ABI2: variants seen among roughly 807,000 people sequenced by gnomAD.
The protein encoded by ABI2 is abelson interactor 2.
ABI2 carries 25 observed loss-of-function variants against 59.2 expected under a neutral mutation model. That is an observed-to-expected ratio of 0.42 (90% confidence interval 0.31 to 0.59). The LOEUF (loss-of-function observed/expected upper bound fraction) is 0.59. ABI2 is among the 20% of genes least tolerant of loss of function. ABI2 has a pLI of 0.14. For synonymous variants in ABI2, 213 were observed against 235.5 expected, an observed-to-expected ratio of 0.90 and a Z score of 0.87; for missense variants, 545 against 681.8, an observed-to-expected ratio of 0.80 and a Z score of 2.23.
intron 1 of ABI2, among the ~76,000 whole-genome samples, chr2:203,350,308 C>T (rs1330399550): frequency 1.3e-5 from 2 of 152,084 alleles, no homozygotes; most frequent in African/African-American, 2.4e-5. Context: ...AACTCTTGAC[C>T]TCAGGTGATC....
intron 9 of ABI2, among the ~76,000 whole-genome samples, chr2:203,410,936 T>C (rs1270536433): frequency 6.6e-6 from 1 of 151,116 alleles, no homozygotes; most frequent in African/African-American, 2.4e-5. Flanking sequence ...GTTAATGATA[T>C]GAAAAAAGAT....
At chr2:203,337,215 G>C (rs1026401419) in intron 1 of ABI2, among the ~76,000 whole-genome samples, 7 of 152,148 alleles carry the variant, frequency 4.6e-5, no homozygotes, top group African/African-American at 7.2e-5. Flanking sequence ...GTCTCTGTTT[G>C]CAAATGACAT....
intron 1 of ABI2, among the ~76,000 whole-genome samples, chr2:203,342,954 A>T (rs926114241): frequency 2.0e-5 from 3 of 152,188 alleles, no homozygotes; most frequent in Non-Finnish European, 2.9e-5. Flanking sequence ...ATGCATTAAC[A>T]TGCATAATTA....
At chr2:203,369,846 T>G (rs1204462209) in intron 2 of ABI2, among the ~76,000 whole-genome samples, 1 of 152,186 alleles carries the variant, frequency 6.6e-6, no homozygotes, top group African/African-American at 2.4e-5. Context: ...TGATAGAGGC[T>G]ATATTTAAGA....
intron 1 of ABI2, among the ~76,000 whole-genome samples, chr2:203,345,452 G>A (rs543976296): frequency 1.3e-5 from 2 of 152,192 alleles, no homozygotes; most frequent in African/African-American, 4.8e-5. Flanking sequence ...AGAACCCACC[G>A]GAAGGAACCA....
chr2:203,369,415 T>C (rs2094891564), intron 2 of ABI2, among the ~76,000 whole-genome samples: 1 of 152,134 alleles, frequency 6.6e-6, no homozygotes, highest in Non-Finnish European at 1.5e-5. Context: ...GATAATAATT[T>C]ATTTTCTGTT....
intron 4 of ABI2, among the ~76,000 whole-genome samples, chr2:203,386,198 A>G (rs1226884218): frequency 6.6e-6 from 1 of 152,160 alleles, no homozygotes; most frequent in Non-Finnish European, 1.5e-5. Context: ...CCCAAAGGTG[A>G]CTGACCTCAC....
chr2:203,361,714 A>G (rs1050353956), intron 1 of ABI2, among the ~76,000 whole-genome samples: 3 of 152,234 alleles, frequency 2.0e-5, no homozygotes, highest in African/African-American at 7.2e-5. Context: ...TACTTAAAAC[A>G]TGACTGTTCT....
intron 2 of ABI2, among the ~76,000 whole-genome samples, chr2:203,378,788 T>C (rs2095890705): frequency 6.6e-6 from 1 of 152,176 alleles, no homozygotes; most frequent in Admixed American, 6.5e-5. Flanking sequence ...GAATTGGTGG[T>C]AAGAGATGTG....
chr2:203,329,563 C>CT (rs890525515), intron 1 of ABI2, among the ~76,000 whole-genome samples: 64 of 143,322 alleles, frequency 4.5e-4, no homozygotes, highest in East Asian at 1.2e-3. Flanking sequence ...AAATCTTTTG[C>CT]TTTTTTTTTT....
chr2:203,394,668 A>G, intron 5 of ABI2, 32 bp from the exon 6 acceptor site: 2 of 1,587,472 alleles, frequency 1.3e-6, no homozygotes, highest in Non-Finnish European at 1.7e-6. Flanking sequence ...AACTTGCTTA[A>G]TCATACAATA....
At chr2:203,338,930 A>ATT (rs2077826841) in intron 1 of ABI2, among the ~76,000 whole-genome samples, 2 of 7,124 alleles carry the variant, frequency 2.8e-4, no homozygotes, top group African/African-American at 3.4e-4. Context: ...GTGTGTGTGT[A>ATT]TATGTATATA....
intron 11 of ABI2, among the ~76,000 whole-genome samples, chr2:203,422,400 A>C (rs1310620433): frequency 6.6e-6 from 1 of 152,236 alleles, no homozygotes; most frequent in Non-Finnish European, 1.5e-5. Flanking sequence ...AGATGGGTGC[A>C]CTAACTGGGG....
At chr2:203,404,820 A>G (rs987542097) in intron 9 of ABI2, among the ~76,000 whole-genome samples, 1 of 152,152 alleles carries the variant, frequency 6.6e-6, no homozygotes, top group African/African-American at 2.4e-5. Flanking sequence ...TGGCCTCCCA[A>G]AGTGCTCAGA....
In ABI2 at chr2:203,334,503, T is replaced by C. The variant is rs548039767; in HGVS notation, c.117+5872T>C. On this transcript the variant is annotated intron_variant, in intron 1 of 11. Coordinates refer to ENST00000261018, the MANE Select transcript of ABI2 (RefSeq NM_001375670.1). ...TGGTGGATGAAATATATTTGGTGGA[T>C]GAATATGCTGTGATTTGCTTACACC... Among the ~76,000 whole-genome samples the C allele has an allele frequency of 5.9e-5, 9 of 152,232 alleles. No individual in the cohort carries two copies. The South Asian group carries it at 1.7e-3, about 28-fold the overall frequency.
At chr2:203,376,547 T>G (rs1174673430) in intron 2 of ABI2, among the ~76,000 whole-genome samples, 2 of 152,234 alleles carry the variant, frequency 1.3e-5, no homozygotes, top group Non-Finnish European at 2.9e-5. Flanking sequence ...AAATATATTT[T>G]TAAAGAATTT....
intron 1 of ABI2, among the ~76,000 whole-genome samples, chr2:203,359,160 G>A (rs896782127): frequency 6.6e-6 from 1 of 152,146 alleles, no homozygotes; most frequent in African/African-American, 2.4e-5. Context: ...TGGAGAGAAG[G>A]CATTTTGTTT....
At chr2:203,414,147 G>T (rs2097790214) in intron 10 of ABI2, among the ~76,000 whole-genome samples, 1 of 148,424 alleles carries the variant, frequency 6.7e-6, no homozygotes, top group African/African-American at 2.5e-5. Flanking sequence ...TGTCACCCAG[G>T]CTGGAGTACA....
chr2:203,329,338 T>A (rs1243062658), intron 1 of ABI2: 1 of 132,524 alleles, frequency 7.5e-6, no homozygotes, highest in African/African-American at 2.7e-5. Context: ...ACCTCCTGGT[T>A]TAATTTTTTT....
Sources: gnomAD v4.1 joint callset for allele counts (sites outside exome capture counted in the v4.1 genomes callset) on GRCh38, gnomAD v4.1.1 for gene constraint, MANE v1.5 for transcripts, NCBI Gene and HGNC (gene_info 2026-07-23, HGNC 2026-07-21) for gene names.